PTPN18: variants seen among roughly 807,000 people sequenced by gnomAD.
The protein encoded by PTPN18 is tyrosine-protein phosphatase non-receptor type 18.
Under a neutral mutation model 65.4 loss-of-function variants are expected in PTPN18, and 65 were observed. The observed-to-expected ratio is 0.99, with a 90% CI of 0.81 to 1.22. The LOEUF (loss-of-function observed/expected upper bound fraction) is 1.22. Among genes scored for constraint, PTPN18 ranks in the 50% most tolerant of loss-of-function variants. The pLI is 0.00. For synonymous variants in PTPN18, 255 were observed against 267.8 expected (o/e 0.95, Z 0.47); for missense variants, 616 against 646.5 (o/e 0.95, Z 0.51).
intron 12 of PTPN18, among the ~76,000 whole-genome samples, chr2:130,371,494 C>T (rs1435921116): frequency 6.6e-6 from 1 of 152,198 alleles, no homozygotes; most frequent in African/African-American, 2.4e-5. Flanking sequence ...TAAGGCTTGC[C>T]CTGCCTTCTG....
intron 5 of PTPN18, chr2:130,362,021 G>A: frequency 2.5e-6 from 1 of 399,874 alleles, no homozygotes; most frequent in Non-Finnish European, 5.0e-6. Context: ...AGAGGGGAAT[G>A]GAGTGGTGCA....
Position 130,370,344 on chromosome 2 carries a change from C to T in PTPN18, c.689+154C>T, listed in dbSNP as rs540646028. 3.6e-4 allele frequency: 442 copies of T among 1,241,076 alleles called. 1 individual carries two copies. Among genetic ancestry groups the T allele is most frequent in the Middle Eastern group, 1.9e-3 (7 of 3,654 alleles). 76.9% of individuals were successfully genotyped at this position (1,241,076 alleles called of 1,614,324 possible). A position where few individuals can be genotyped will look rare whatever the true frequency, so the allele number is the denominator to read the frequency against. ...ACTGTAATTGTGAGCACTTGTTCAG[C>T]ACAGACTCAGCTGGGGAATAAGCAC... On this transcript the variant is annotated intron_variant, in intron 8 of 14. Transcript: ENST00000175756.
chr2:130,369,046 C>G (rs1382861321), intron 5 of PTPN18, 87 bp from the exon 6 acceptor site: 31 of 1,151,004 alleles, frequency 2.7e-5, no homozygotes. Flanking sequence ...ACCACGAGCA[C>G]CTGGGGTGTC....
At position 130,369,835 on chromosome 2, in the gene PTPN18, G is replaced by A. The variant is rs772417636; in HGVS notation, c.546+8G>A. The A allele has an allele frequency of 6.3e-7, 1 of 1,588,262 alleles. No homozygotes were observed. The highest frequency in any genetic ancestry group is 1.7e-5 in the Admixed American group (1 of 59,860). On this transcript the variant is annotated splice_region_variant and intron_variant, in intron 7 of 14. Coordinates refer to ENST00000175756, the MANE Select transcript of PTPN18 (RefSeq NM_014369.4). The stretch of plus-strand genomic sequence containing the variant: ...AAGGTCACATTCCAGAAGGTACTGT[G>A]ACAGGGGAGGAGGAGGTAAAGGGGC...
chr2:130,371,433 A>G (rs1488151718), intron 12 of PTPN18, 146 bp downstream of exon 12: 3 of 668,400 alleles, frequency 4.5e-6, no homozygotes, highest in Admixed American at 3.1e-5. Context: ...AACCCACCCC[A>G]AGATGATTCA....
intron 14 of PTPN18, 27 bp downstream of exon 14, chr2:130,372,974 G>A: frequency 6.2e-7 from 1 of 1,613,450 alleles, no homozygotes; most frequent in South Asian, 1.1e-5. Context: ...CTGGGTTGCT[G>A]GGACTTTGCT....
In PTPN18 at chr2:130,373,477, ACCCC is replaced by A; in HGVS notation, c.*254_*257del. 2.6e-6 allele frequency: 1 copy of A among 389,334 alleles called. No individual in the cohort carries two copies. Among genetic ancestry groups the A allele is most frequent in the Admixed American group, 4.3e-5 (1 of 23,238 alleles). 24.1% of individuals were successfully genotyped at this position (389,334 alleles called of 1,614,324 possible). A position where few individuals can be genotyped will look rare whatever the true frequency, so the allele number is the denominator to read the frequency against. On this transcript the variant is annotated 3_prime_UTR_variant, in exon 15 of 15. Coordinates refer to ENST00000175756, the MANE Select transcript of PTPN18 (RefSeq NM_014369.4). This position sits in a 1 kb window ranked among gnomAD's most constrained non-coding sequence, Gnocchi z 4.1. The stretch of plus-strand genomic sequence containing the variant: ...AGAAAGAAGATCAGGAAGGGGCATG[ACCCC>A]TGAGTTATGAAGGGGAGAAGGGACA...
At chr2:130,371,923 T>C (rs1413578284) in intron 12 of PTPN18, 2 of 291,756 alleles carry the variant, frequency 6.9e-6, no homozygotes, top group Non-Finnish European at 1.3e-5. Flanking sequence ...CAGCGGAGAC[T>C]TAAGGCCCTT....
chr2:130,371,337 C>A, intron 12 of PTPN18, 50 bp downstream of exon 12: 1 of 1,446,974 alleles, frequency 6.9e-7, no homozygotes, highest in Non-Finnish European at 9.5e-7. Flanking sequence ...CTCAGGCTAA[C>A]CCCTTCTTCA....
In PTPN18 at chr2:130,358,923, C is replaced by G. The variant is rs756436612; in HGVS notation, c.150C>G (p.Ala50=). ...CTGACGGCGTGTGCTCCACCGTGGCCGGCAGTCGGCCAGAGAACGTGAGGA... is the reference window on the plus strand; with the variant it reads ...CTGACGGCGTGTGCTCCACCGTGGCGGGCAGTCGGCCAGAGAACGTGAGGA... ...WKADGVCSTV[A]GSRPENVRKN... is the part of the protein sequence containing the mutation. Residue 50 remains alanine (A), a synonymous_variant, in exon 2 of 15, where the codon GCC becomes GCG. Coordinates refer to ENST00000175756, the MANE Select transcript of PTPN18 (RefSeq NM_014369.4). 2 of 1,614,058 alleles carry G rather than the reference C, an allele frequency of 1.2e-6. No homozygotes were observed. Among genetic ancestry groups the G allele is most frequent in the African/African-American group, 2.7e-5 (2 of 74,952 alleles).
At position 130,372,403 on chromosome 2, in the gene PTPN18, C is replaced by A; in HGVS notation, c.1160C>A (p.Pro387Gln). ...GTGARSAEEA[P>Q]LYSKVTPRAQ... ...GGGGCGCGCAGCGCGGAGGAGGCGCCGCTCTACAGCAAGGTGACGCCGCGC... is the reference window on the plus strand; with the variant it reads ...GGGGCGCGCAGCGCGGAGGAGGCGCAGCTCTACAGCAAGGTGACGCCGCGC... The change falls in exon 13 of 15, where the codon CCG (proline) becomes CAG (glutamine). Residue 387 changes from proline to glutamine, a missense_variant. Coordinates refer to ENST00000175756, the MANE Select transcript of PTPN18 (RefSeq NM_014369.4). 1 of 1,368,062 alleles carries A rather than the reference C, an allele frequency of 7.3e-7. No homozygotes were observed. The highest frequency in any genetic ancestry group is 1.7e-5 in the South Asian group (1 of 59,296). The allele number at this position is 1,368,062 out of a possible 1,614,324, so 84.7% of individuals were successfully genotyped here. A position where few individuals can be genotyped will look rare whatever the true frequency, so the allele number is the denominator to read the frequency against.
At chr2:130,369,661 T>C in intron 6 of PTPN18, 104 bp from the exon 7 acceptor site, 1 of 1,227,154 alleles carries the variant, frequency 8.1e-7, no homozygotes, top group South Asian at 1.5e-5. Flanking sequence ...GTTTTCTGTA[T>C]TTGATTTTTT....
rs1441334745 is a variant in PTPN18 at position 130,370,736 on chromosome 2, T to C, written c.788T>C (p.Val263Ala). The C allele has an allele frequency of 7.4e-6, 12 of 1,614,244 alleles. No homozygotes were observed. Among genetic ancestry groups the C allele is most frequent in the Non-Finnish European group, 8.5e-6 (10 of 1,180,038 alleles). ...CCACCTGACTTCAGTCTCTTTGATG[T>C]GGTCCTTAAGATGAGGAAGCAGCGG... is the stretch of plus-strand genomic sequence containing the variant. ...MIPPDFSLFD[V>A]VLKMRKQRPA... The change falls in exon 10 of 15, where the codon GTG becomes GCG. Residue 263 changes from valine to alanine, a missense_variant. By Grantham distance (64) the Val-to-Ala change is moderately conservative (BLOSUM62 0). Transcript: ENST00000175756.
At position 130,359,259 on chromosome 2, in the gene PTPN18, C is replaced by T. The variant is rs1573856513; in HGVS notation, c.229C>T (p.Leu77=). 1 of 1,614,062 alleles carries T rather than the reference C, an allele frequency of 6.2e-7. No individual in the cohort carries two copies. The highest frequency in any genetic ancestry group is 8.5e-7 in the Non-Finnish European group (1 of 1,180,056). ...PYDQTRVILS[L]LQEEGHSDYI... ...TGATCAGACGCGAGTAATCCTCTCC[C>T]TGCTCCAGGAAGAGGGACACAGCGA... The change falls in exon 3 of 15, where the codon CTG becomes TTG. Residue 77 remains leucine (L), a synonymous_variant. Transcript: ENST00000175756.
In PTPN18 at chr2:130,373,372, A is replaced by C; in HGVS notation, c.*148A>C. On this transcript the variant is annotated 3_prime_UTR_variant, in exon 15 of 15. Coordinates refer to ENST00000175756, the MANE Select transcript of PTPN18 (RefSeq NM_014369.4). The surrounding 1 kb of genome is among the most constrained non-coding windows in gnomAD (Gnocchi z 4.1). ...TGGGAAATGTGGGGGCTTTGCCCCA[A>C]TGACTGTAGCATTCAAGGCTTGAGG... 1 of 828,830 alleles carries C rather than the reference A, an allele frequency of 1.2e-6. No individual in the cohort carries two copies. The highest frequency in any genetic ancestry group is 3.2e-5 in the Admixed American group (1 of 30,964). 51.3% of individuals were successfully genotyped at this position (828,830 alleles called of 1,614,324 possible).
rs1347376792 is a variant in PTPN18, at chr2:130,372,451, C to T, written c.1208C>T (p.Ala403Val). ...TPRAQRPGAH[A>V]EDARGTLPGR... is the part of the protein sequence containing the mutation. ...CGCGCCCAGCGACCCGGGGCGCACG[C>T]GGAGGACGCGAGGGGGACGCTGCCT... is the stretch of plus-strand genomic sequence containing the variant. Residue 403 changes from alanine to valine, a missense_variant, in exon 13 of 15, where the codon GCG becomes GTG. By Grantham distance (64) the Ala-to-Val change is moderately conservative. This residue lies in a region of PTPN18 where 368 missense variants were observed against 386.7 expected (regional missense o/e 0.95). Coordinates refer to ENST00000175756, the MANE Select transcript of PTPN18 (RefSeq NM_014369.4). 1 of 1,368,338 alleles carries T rather than the reference C, an allele frequency of 7.3e-7. No individual in the cohort carries two copies. Among genetic ancestry groups the T allele is most frequent in the Non-Finnish European group, 9.4e-7 (1 of 1,067,718 alleles). The allele number at this position is 1,368,338 out of a possible 1,614,324, so 84.8% of individuals were successfully genotyped here. A position where few individuals can be genotyped will look rare whatever the true frequency, so the allele number is the denominator to read the frequency against.
At chr2:130,364,744 C>T (rs1250079532) in intron 5 of PTPN18, among the ~76,000 whole-genome samples, 1 of 152,172 alleles carries the variant, frequency 6.6e-6, no homozygotes, top group Admixed American at 6.5e-5. Flanking sequence ...TGCAGTGAGC[C>T]GAGATCGCAC....
intron 5 of PTPN18, among the ~76,000 whole-genome samples, chr2:130,365,896 C>T (rs533040086): frequency 2.6e-5 from 4 of 152,284 alleles, no homozygotes; most frequent in African/African-American, 9.6e-5. Flanking sequence ...GGGTTTATTT[C>T]TGAACTCTCA....
chr2:130,361,575 C>CTTT (rs1432106371), intron 5 of PTPN18, among the ~76,000 whole-genome samples: 3 of 95,060 alleles, frequency 3.2e-5, no homozygotes, highest in African/African-American at 1.8e-4. Flanking sequence ...TCCTTTCTTT[C>CTTT]CTTTCTTTCC....
Sources: gnomAD v4.1 joint callset for allele counts (sites outside exome capture counted in the v4.1 genomes callset) on GRCh38, gnomAD v4.1.1 for gene constraint, gnomAD v4.1.1 regional missense constraint, Gnocchi (gnomAD v3.1) non-coding constraint, MANE v1.5 for transcripts, NCBI Gene and HGNC (gene_info 2026-07-23, HGNC 2026-07-21) for gene names.